Variants in ZNF562 observed in about 807,000 individuals in gnomAD.
The protein encoded by ZNF562 is zinc finger protein 562.
Under a neutral mutation model 17.5 loss-of-function variants are expected in ZNF562, and 13 were observed. The ratio of observed to expected loss-of-function variants is 0.74; its 90% CI spans 0.48 to 1.18. ZNF562 has a LOEUF of 1.18. ZNF562 is among the 50% of genes most tolerant of loss of function. ZNF562 has a pLI of 0.00. For synonymous variants in ZNF562, 163 were observed against 165.4 expected (o/e 0.99, Z 0.11); for missense variants, 481 against 498.5 (o/e 0.96, Z 0.33).
chr19:9,669,388 C>T (rs1449653425), intron 1 of ZNF562, among the ~76,000 whole-genome samples: 1 of 152,074 alleles, frequency 6.6e-6, no homozygotes, highest in African/African-American at 2.4e-5. Context: ...ATACAAATCA[C>T]ACATAACCAC....
Position 9,647,817 on chromosome 19 carries a change from C to T in ZNF562, c.*5132G>A, listed in dbSNP as rs1401184988. ...AGTAAGTTGAGATCACACCATTGCA[C>T]TCCAGCCTGGGCAACGAGTGAAACA... On this transcript the variant is annotated 3_prime_UTR_variant, in exon 6 of 6. Coordinates refer to ENST00000453372, the MANE Select transcript of ZNF562 (RefSeq NM_001130031.2). 6.6e-6 allele frequency: 1 copy of T among 152,176 alleles called. No homozygotes were observed. Among genetic ancestry groups the T allele is most frequent in the East Asian group, 1.9e-4 (1 of 5,208 alleles). The allele number at this position is 152,176 out of a possible 1,614,324, so 9.4% of individuals were successfully genotyped here. A position where few individuals can be genotyped will look rare whatever the true frequency, so the allele number is the denominator to read the frequency against.
chr19:9,672,799 T>TTA (rs1555700422), intron 1 of ZNF562, among the ~76,000 whole-genome samples: 1 of 140,752 alleles, frequency 7.1e-6, no homozygotes, highest in Non-Finnish European at 1.6e-5. Flanking sequence ...TTTTTTTTTT[T>TTA]AGACAGTTTC....
chr19:9,670,100 G>A (rs2145046583), intron 1 of ZNF562, among the ~76,000 whole-genome samples: 1 of 152,070 alleles, frequency 6.6e-6, no homozygotes, highest in African/African-American at 2.4e-5. Context: ...TTAGCCAGGT[G>A]TATTAGTGGA....
rs747266751 is a variant in ZNF562, at chr19:9,652,393, G to A, written c.*556C>T. 6.6e-6 allele frequency: 1 copy of A among 152,228 alleles called. No individual in the cohort carries two copies. The highest frequency in any genetic ancestry group is 2.4e-5 in the African/African-American group (1 of 41,422). The allele number at this position is 152,228 out of a possible 1,614,324, so 9.4% of individuals were successfully genotyped here. On this transcript the variant is annotated 3_prime_UTR_variant, in exon 6 of 6. Coordinates refer to ENST00000453372, the MANE Select transcript of ZNF562 (RefSeq NM_001130031.2). ...CATCTTTTTAACAATCCACCTCTGGGGCCTACATCATCTTGGCTTCTGGTA... is the reference window on the plus strand; with the variant it reads ...CATCTTTTTAACAATCCACCTCTGGAGCCTACATCATCTTGGCTTCTGGTA...
chr19:9,674,061 G>T (rs953139878), intron 1 of ZNF562, among the ~76,000 whole-genome samples: 2 of 152,236 alleles, frequency 1.3e-5, no homozygotes, highest in Admixed American at 6.5e-5. Flanking sequence ...CAAGGGAGGG[G>T]AAGGGGTTCT....
At position 9,652,822 on chromosome 19, in the gene ZNF562, A is replaced by T; in HGVS notation, c.*127T>A. On this transcript the variant is annotated 3_prime_UTR_variant, in exon 6 of 6. Transcript: ENST00000453372. ...ATTTCTCCCCAGTGTGAATTCTTTC[A>T]TGCATACTTAGGCATGAGGAAAGAG... 1.2e-6 allele frequency: 1 copy of T among 802,706 alleles called. No homozygotes were observed. The highest frequency in any genetic ancestry group is 1.9e-6 in the Non-Finnish European group (1 of 531,272). 49.7% of individuals were successfully genotyped at this position (802,706 alleles called of 1,614,324 possible).
At chr19:9,655,453 G>A (rs1390646050) in intron 5 of ZNF562, among the ~76,000 whole-genome samples, 1 of 152,116 alleles carries the variant, frequency 6.6e-6, no homozygotes, top group Non-Finnish European at 1.5e-5. Context: ...CCTCAAGGGT[G>A]CAGGCTACTT....
intron 3 of ZNF562, among the ~76,000 whole-genome samples, chr19:9,658,841 G>C (rs1259186148): frequency 6.6e-6 from 1 of 151,730 alleles, no homozygotes; most frequent in Non-Finnish European, 1.5e-5. Flanking sequence ...GGGTCCCACT[G>C]TGCCACCCAG....
chr19:9,653,625 T>C lies in ZNF562; in HGVS notation c.605A>G (p.Gln202Arg). The C allele has an allele frequency of 6.2e-7, 1 of 1,614,108 alleles. No individual in the cohort carries two copies. Among genetic ancestry groups the C allele is most frequent in the African/African-American group, 1.3e-5 (1 of 75,072 alleles). ...TCCACATTCCTTACATTTGTAGGGT[T>C]GTCTTCCATTGAGAATTTCAAGATG... is the stretch of plus-strand genomic sequence containing the variant. ...AVHLEILNGR[Q>R]PYKCKECGKG... The change falls in exon 6 of 6, where the codon CAA becomes CGA. Residue 202 changes from glutamine to arginine, a missense_variant. This residue lies in a region of ZNF562 where 403 missense variants were observed against 386.4 expected (regional missense o/e 1.04). Coordinates refer to ENST00000453372, the MANE Select transcript of ZNF562 (RefSeq NM_001130031.2).
intron 1 of ZNF562, chr19:9,674,771 G>A (rs912614695): frequency 3.9e-5 from 6 of 152,282 alleles, no homozygotes; most frequent in Non-Finnish European, 5.9e-5. Context: ...TTCAAGAGAG[G>A]AGCACAGCGG....
intron 2 of ZNF562, among the ~76,000 whole-genome samples, 182 bp from the exon 3 acceptor site, chr19:9,659,649 T>C (rs1338384464): frequency 1.3e-5 from 2 of 152,030 alleles, no homozygotes; most frequent in South Asian, 2.1e-4. Context: ...AAAGCAGATA[T>C]GGGCTGAGCT....
Position 9,661,147 on chromosome 19 carries a change from C to A in ZNF562, c.-130-273G>T, listed in dbSNP as rs79447807. Among the ~76,000 whole-genome samples the A allele has an allele frequency of 1.3e-3, 195 of 152,188 alleles. 4 individuals carry two copies. In the East Asian group the frequency reaches 0.034, roughly 27 times the overall value. On this transcript the variant is annotated intron_variant, in intron 1 of 5. Coordinates refer to ENST00000453372, the MANE Select transcript of ZNF562 (RefSeq NM_001130031.2). Reference sequence around the variant, plus strand: ...TCATTACCTATATGTATCTATGTATCTATCCATCTATCTATTTATTGAGAC... The same window carrying A: ...TCATTACCTATATGTATCTATGTATATATCCATCTATCTATTTATTGAGAC...
intron 1 of ZNF562, among the ~76,000 whole-genome samples, chr19:9,674,301 T>A (rs1346576985): frequency 6.6e-6 from 1 of 152,082 alleles, no homozygotes; most frequent in Non-Finnish European, 1.5e-5. Flanking sequence ...GTAATCAGAA[T>A]GAGTCAGGGT....
rs2144944535 is a variant in ZNF562 at position 9,648,487 on chromosome 19, G to C, written c.*4462C>G. 1 of 152,084 alleles carries C rather than the reference G, an allele frequency of 6.6e-6. No individual in the cohort carries two copies. The highest frequency in any genetic ancestry group is 1.5e-5 in the Non-Finnish European group (1 of 67,998). The allele number at this position is 152,084 out of a possible 1,614,324, so 9.4% of individuals were successfully genotyped here. A position where few individuals can be genotyped will look rare whatever the true frequency, so the allele number is the denominator to read the frequency against. ...CCAGCTAATTTTTGTATTGTTAGTA[G>C]AGATGGGGTTTCACCATGTTGGCTG... On this transcript the variant is annotated 3_prime_UTR_variant, in exon 6 of 6. Transcript: ENST00000453372.
At position 9,660,775 on chromosome 19, in the gene ZNF562, A is replaced by G. The variant is rs779136046; in HGVS notation, c.-31T>C. Reference sequence around the variant, plus strand: ...GAAGCTGATGGTGAGATGTGCCTCAATGCTGTCTTTCTTGATGCCAAGATC... The same window carrying G: ...GAAGCTGATGGTGAGATGTGCCTCAGTGCTGTCTTTCTTGATGCCAAGATC... On this transcript the variant is annotated 5_prime_UTR_variant, in exon 2 of 6. Coordinates refer to ENST00000453372, the MANE Select transcript of ZNF562 (RefSeq NM_001130031.2). The G allele has an allele frequency of 6.2e-7, 1 of 1,612,674 alleles. No homozygotes were observed. The highest frequency in any genetic ancestry group is 1.1e-5 in the South Asian group (1 of 90,956).
intron 1 of ZNF562, among the ~76,000 whole-genome samples, chr19:9,666,064 C>G (rs988867948): frequency 2.6e-4 from 39 of 150,820 alleles, no homozygotes; most frequent in African/African-American, 9.3e-4. Context: ...ATGGCTCATG[C>G]CTGTAATCCC....
rs1225648567 is a variant in ZNF562, at chr19:9,646,526, G to A, written c.*6423C>T. The A allele has an allele frequency of 1.3e-5, 2 of 152,064 alleles. No homozygotes were observed. The highest frequency in any genetic ancestry group is 1.3e-4 in the Admixed American group (2 of 15,244). The allele number at this position is 152,064 out of a possible 1,614,324, so 9.4% of individuals were successfully genotyped here. ...TGGAACAGAAAACATGCAAGAAATA[G>A]TGTAGATTTTTCAAGCGAAATATCT... On this transcript the variant is annotated 3_prime_UTR_variant, in exon 6 of 6. Transcript: ENST00000453372.
In ZNF562 at chr19:9,649,691, T is replaced by G. The variant is rs2144948069; in HGVS notation, c.*3258A>C. The G allele has an allele frequency of 6.6e-6, 1 of 152,348 alleles. No individual in the cohort carries two copies. The highest frequency in any genetic ancestry group is 1.9e-4 in the East Asian group (1 of 5,182). The allele number at this position is 152,348 out of a possible 1,614,324, so 9.4% of individuals were successfully genotyped here. On this transcript the variant is annotated 3_prime_UTR_variant, in exon 6 of 6. Coordinates refer to ENST00000453372, the MANE Select transcript of ZNF562 (RefSeq NM_001130031.2). ...ACCAGTTGATCTCAAAACCGTCTCC[T>G]GATAAGATGTTATCAATGACAATGG...
At chr19:9,654,420 A>C (rs1257514235) in intron 5 of ZNF562, among the ~76,000 whole-genome samples, 1 of 152,164 alleles carries the variant, frequency 6.6e-6, no homozygotes, top group African/African-American at 2.4e-5. Context: ...AAAGCTGTGT[A>C]GCTAGGACTA....
Sources: allele counts gnomAD v4.1 joint callset (sites outside exome capture counted in the v4.1 genomes callset), GRCh38; gene constraint gnomAD v4.1.1; regional missense constraint gnomAD v4.1.1; transcripts MANE v1.5; gene names NCBI Gene and HGNC (gene_info 2026-07-23, HGNC 2026-07-21).